Variants in SFXN3 observed in about 807,000 individuals in gnomAD.
SFXN3 encodes sideroflexin 3.
A neutral mutation model predicts 40.4 loss-of-function variants in SFXN3; 31 were observed. The ratio of observed to expected loss-of-function variants is 0.77; its 90% CI spans 0.58 to 1.04. SFXN3 has a LOEUF of 1.04. SFXN3 is among the 50% of genes least tolerant of loss of function. The probability of loss-of-function intolerance (pLI) is 0.00; values close to 1 mark genes in which losing one functional copy is unlikely to be tolerated. For missense variants in SFXN3, 366 were observed against 408.2 expected (o/e 0.90, Z 0.89); for synonymous variants, 157 against 160.0 (o/e 0.98, Z 0.14).
At chr10:101,035,500 C>A in exon 4 of SFXN3, 1 of 1,600,756 alleles carries the variant, frequency 6.2e-7, no homozygotes. Flanking sequence ...TCTGCAGGGC[C>A]GGCGTGGTGA....
At chr10:101,035,830 AG>A in intron 4 of SFXN3, 163 bp downstream of exon 4, 1 of 1,146,676 alleles carries the variant, frequency 8.7e-7, no homozygotes, top group Non-Finnish European at 1.3e-6. Context: ...CAGAGACAGT[AG>A]GTGTGTTTGT....
Position 101,039,094 on chromosome 10 carries a change from T to G in SFXN3, c.822-81T>G, listed in dbSNP as rs1335065193. 1.1e-5 allele frequency: 14 copies of G among 1,271,956 alleles called. No individual in the cohort carries two copies. Among genetic ancestry groups the G allele is most frequent in the Non-Finnish European group, 1.5e-5 (13 of 873,194 alleles). 78.8% of individuals were successfully genotyped at this position (1,271,956 alleles called of 1,614,324 possible). ...TCAATCTCCACCCCTAGGGCCTATC[T>G]CCAAGGATGGGGTGGGGTGCAGGGA... On this transcript the variant is annotated intron_variant, in intron 10 of 11. Coordinates refer to ENST00000393459, the Ensembl canonical transcript of SFXN3. This position sits in a 1 kb window ranked among gnomAD's most constrained non-coding sequence, Gnocchi z 4.6.
rs944240667 is a variant in SFXN3, at chr10:101,039,260, T to C, written c.869+38T>C. On this transcript the variant is annotated intron_variant, in intron 11 of 11. Coordinates refer to ENST00000393459, the Ensembl canonical transcript of SFXN3. This position sits in a 1 kb window ranked among gnomAD's most constrained non-coding sequence, Gnocchi z 4.6. ...CCTGGGCTGGGTGGGGGACTCTGGA[T>C]TGGACTCTGCATCTCTGGACCAGCT... is the stretch of plus-strand genomic sequence containing the variant. 5.7e-6 allele frequency: 9 copies of C among 1,567,698 alleles called. No homozygotes were observed. Among genetic ancestry groups the C allele is most frequent in the East Asian group, 2.2e-5 (1 of 44,716 alleles).
At chr10:101,037,493 C>T in intron 9 of SFXN3, 62 bp downstream of exon 9, 1 of 1,613,748 alleles carries the variant, frequency 6.2e-7, no homozygotes, top group Non-Finnish European at 8.5e-7. Flanking sequence ...GACCAGGCCC[C>T]AACTCTCTCT....
At position 101,037,337 on chromosome 10, in the gene SFXN3, A is replaced by G. The variant is rs761381566; in HGVS notation, c.722-45A>G. The G allele has an allele frequency of 4.3e-6, 7 of 1,613,776 alleles. No individual in the cohort carries two copies. The East Asian group carries it at 1.6e-4, about 36-fold the overall frequency. ...TCACCCTTCACAGTTCCTGACTTTA[A>G]CTCCACTACTAATGTTCTCCTTCTT... On this transcript the variant is annotated intron_variant, in intron 8 of 11. Transcript: ENST00000393459.
intron 3 of SFXN3, 116 bp downstream of exon 3, chr10:101,034,971 A>T: frequency 7.6e-7 from 1 of 1,318,976 alleles, no homozygotes; most frequent in Non-Finnish European, 1.0e-6. Context: ...CAATCCCCTC[A>T]CTCTCTAGCC....
chr10:101,032,377 G>A, exon 2 of SFXN3: 1 of 1,389,900 alleles, frequency 7.2e-7, no homozygotes, highest in Non-Finnish European at 9.6e-7. Flanking sequence ...CTCCCTGCTG[G>A]TCGGCGTCAC....
chr10:101,036,792 C>A lies in SFXN3; in HGVS notation c.577C>A (p.Pro193Thr). The change falls in exon 7 of 12, where the codon CCC (proline) becomes ACC (threonine). Residue 193 changes from proline (P) to threonine (T), a missense_variant. Physicochemically the swap from Pro to Thr is conservative, Grantham distance 38 (BLOSUM62 -1). Transcript: ENST00000393459. The surrounding 1 kb of genome is among the most constrained non-coding windows in gnomAD (Gnocchi z 4.2). ...GGCAGCTGCCAACTGCATCAACATC[C>A]CCCTGATGAGGCAGAGGTGAGTGAC... 1.9e-6 allele frequency: 3 copies of A among 1,613,852 alleles called. No individual in the cohort carries two copies. The highest frequency in any genetic ancestry group is 2.5e-6 in the Non-Finnish European group (3 of 1,179,734).
At chr10:101,031,941 G>A (rs1160076799) in intron 1 of SFXN3, 1 of 153,746 alleles carries the variant, frequency 6.5e-6, no homozygotes, top group African/African-American at 2.4e-5. Context: ...GTGGATACTG[G>A]GGTAGGAGCC....
At chr10:101,032,315 T>G in exon 2 of SFXN3, 2 of 780,546 alleles carry the variant, frequency 2.6e-6, no homozygotes, top group Non-Finnish European at 3.9e-6. Flanking sequence ...CGCCCTCAGG[T>G]TCTGCCAATC....
chr10:101,039,289 CT>C lies in SFXN3; in HGVS notation c.869+68del. ...ACTCTGCATCTCTGGACCAGCTGAC[CT>C]AGGGTCTTCCAGGGTGTTCAGGAGG... On this transcript the variant is annotated intron_variant, in intron 11 of 11. Coordinates refer to ENST00000393459, the Ensembl canonical transcript of SFXN3. The surrounding 1 kb of genome is among the most constrained non-coding windows in gnomAD (Gnocchi z 4.6). 6.8e-7 allele frequency: 1 copy of C among 1,465,406 alleles called. No homozygotes were observed. Among genetic ancestry groups the C allele is most frequent in the Non-Finnish European group, 9.4e-7 (1 of 1,063,718 alleles). 90.8% of individuals were successfully genotyped at this position (1,465,406 alleles called of 1,614,324 possible).
At chr10:101,032,639 G>A (rs1167527911) in intron 2 of SFXN3, among the ~76,000 whole-genome samples, 157 bp downstream of exon 2, 3 of 152,154 alleles carry the variant, frequency 2.0e-5, no homozygotes, top group Non-Finnish European at 2.9e-5. Flanking sequence ...GGAATGTCAG[G>A]GTGGGGCTGT....
chr10:101,037,335 T>C (rs202243909), intron 8 of SFXN3, 47 bp from the exon 9 acceptor site: 2 of 1,614,074 alleles, frequency 1.2e-6, no homozygotes. Flanking sequence ...TTCCTGACTT[T>C]AACTCCACTA....
In SFXN3 at chr10:101,039,106, G is replaced by A. The variant is rs545212828; in HGVS notation, c.822-69G>A. ...CCTAGGGCCTATCTCCAAGGATGGG[G>A]TGGGGTGCAGGGAGGGAACACCCTA... On this transcript the variant is annotated intron_variant, in intron 10 of 11. Coordinates refer to ENST00000393459, the Ensembl canonical transcript of SFXN3. This position sits in a 1 kb window ranked among gnomAD's most constrained non-coding sequence, Gnocchi z 4.6. 1.2e-4 allele frequency: 164 copies of A among 1,347,740 alleles called. No homozygotes were observed. In the East Asian group the frequency reaches 3.7e-3, roughly 30 times the overall value. The allele number at this position is 1,347,740 out of a possible 1,614,324, so 83.5% of individuals were successfully genotyped here.
chr10:101,035,576 G>C, exon 4 of SFXN3: 2 of 1,614,152 alleles, frequency 1.2e-6, no homozygotes, highest in Non-Finnish European at 1.7e-6. Flanking sequence ...CTTCCATCCG[G>C]ACACAGGGGA....
chr10:101,037,310 G>C (rs890018021), intron 8 of SFXN3, 72 bp from the exon 9 acceptor site: 152 of 1,613,810 alleles, frequency 9.4e-5, no homozygotes, highest in Middle Eastern at 8.2e-4. Context: ...CTTTGAGGGG[G>C]GTCACCCTTC....
At chr10:101,038,134 C>T (rs139310840) in intron 9 of SFXN3, 285 of 360,814 alleles carry the variant, frequency 7.9e-4, no homozygotes, top group African/African-American at 5.8e-3. Flanking sequence ...AGCCAAATAA[C>T]GCAGAGAAGA....
intron 9 of SFXN3, chr10:101,037,739 C>A: frequency 7.5e-7 from 1 of 1,325,226 alleles, no homozygotes; most frequent in Non-Finnish European, 9.7e-7. Context: ...CTTTTACCCC[C>A]TAGTGCCTCC....
Position 101,039,130 on chromosome 10 carries a change from TA to T in SFXN3, c.822-43del. On this transcript the variant is annotated intron_variant, in intron 10 of 11. Transcript: ENST00000393459. The surrounding 1 kb of genome is among the most constrained non-coding windows in gnomAD (Gnocchi z 4.6). Reference sequence around the variant, plus strand: ...GGTGGGGTGCAGGGAGGGAACACCCTAAGGCCAAAGCTTTACAAACCTTTCC... The same window carrying T: ...GGTGGGGTGCAGGGAGGGAACACCCTAGGCCAAAGCTTTACAAACCTTTCC... The T allele has an allele frequency of 6.3e-7, 1 of 1,577,862 alleles. No homozygotes were observed. Among genetic ancestry groups the T allele is most frequent in the African/African-American group, 1.3e-5 (1 of 74,366 alleles).
Sources: gnomAD v4.1 joint callset for allele counts (sites outside exome capture counted in the v4.1 genomes callset) on GRCh38, gnomAD v4.1.1 for gene constraint, Gnocchi (gnomAD v3.1) non-coding constraint, MANE v1.5 for transcripts, NCBI Gene and HGNC (gene_info 2026-07-23, HGNC 2026-07-21) for gene names.